KIF6: variants seen among roughly 807,000 people sequenced by gnomAD.
The protein encoded by KIF6 is kinesin family member 6, also known as kinesin-like protein KIF6.
In KIF6, 106 loss-of-function variants were observed where a neutral mutation model predicts 112.7. The observed-to-expected ratio is 0.94, with a 90% confidence interval of 0.80 to 1.11. The LOEUF (loss-of-function observed/expected upper bound fraction) is 1.11. Among genes scored for constraint, KIF6 ranks in the 50% least tolerant of loss-of-function variants. The pLI is 0.00. For missense variants in KIF6, 929 were observed against 964.0 expected, an observed-to-expected ratio of 0.96 and a Z score of 0.48; for synonymous variants, 339 against 339.9, an observed-to-expected ratio of 1.00 and a Z score of 0.03.
At chr6:39,431,233 C>T in intron 13 of KIF6, 72 bp from the exon 14 acceptor site, 1 of 903,548 alleles carries the variant, frequency 1.1e-6, no homozygotes, top group Non-Finnish European at 1.8e-6. Flanking sequence ...TCACTTCAGT[C>T]AGACCACAAA....
chr6:39,402,823 A>G (rs1215569944), intron 15 of KIF6, among the ~76,000 whole-genome samples: 2 of 152,170 alleles, frequency 1.3e-5, no homozygotes, highest in Non-Finnish European at 2.9e-5. Flanking sequence ...AGGGCCTCCA[A>G]CTTTACAGAT....
chr6:39,518,660 C>A (rs1029333055), intron 13 of KIF6, among the ~76,000 whole-genome samples: 1 of 152,186 alleles, frequency 6.6e-6, no homozygotes, highest in Non-Finnish European at 1.5e-5. Context: ...AAAATCCAGA[C>A]AGTGCTTGTA....
intron 15 of KIF6, among the ~76,000 whole-genome samples, chr6:39,399,315 C>A (rs557697525): frequency 6.6e-6 from 1 of 152,204 alleles, no homozygotes; most frequent in Non-Finnish European, 1.5e-5. Flanking sequence ...TAGGTCTGAT[C>A]TTGTCCCCAC....
chr6:39,473,174 C>T (rs1361747672), intron 13 of KIF6, among the ~76,000 whole-genome samples: 1 of 151,938 alleles, frequency 6.6e-6, no homozygotes, highest in African/African-American at 2.4e-5. Context: ...GCGTGAGCCA[C>T]AGCACCCGGT....
chr6:39,506,702 G>T (rs1776446009), intron 13 of KIF6, among the ~76,000 whole-genome samples: 1 of 152,044 alleles, frequency 6.6e-6, no homozygotes, highest in African/African-American at 2.4e-5. Context: ...TTTCCTGGGT[G>T]ACAGGTGTAT....
At chr6:39,444,830 A>AC (rs1184046352) in intron 13 of KIF6, among the ~76,000 whole-genome samples, 1 of 135,618 alleles carries the variant, frequency 7.4e-6, no homozygotes, top group African/African-American at 2.9e-5. Flanking sequence ...AGAGATGGTT[A>AC]AAAAAAAAAA....
chr6:39,489,866 A>G (rs1270251864), intron 13 of KIF6, among the ~76,000 whole-genome samples: 2 of 152,238 alleles, frequency 1.3e-5, no homozygotes, highest in East Asian at 3.8e-4. Context: ...AGGGAATGAC[A>G]GAGAGCAGAA....
chr6:39,481,066 T>C (rs1774765793), intron 13 of KIF6, among the ~76,000 whole-genome samples: 1 of 152,224 alleles, frequency 6.6e-6, no homozygotes, highest in African/African-American at 2.4e-5. Flanking sequence ...AGTTCTGCTC[T>C]GATCTTAAAC....
intron 14 of KIF6, 120 bp from the exon 15 acceptor site, chr6:39,420,123 A>T (rs1412155864): frequency 1.5e-6 from 1 of 682,940 alleles, no homozygotes; most frequent in African/African-American, 1.8e-5. Flanking sequence ...GACACAAAAG[A>T]AAAATCTAAA....
chr6:39,604,717 TATA>T (rs1782789249), intron 6 of KIF6, among the ~76,000 whole-genome samples: 1 of 152,176 alleles, frequency 6.6e-6, no homozygotes, highest in Non-Finnish European at 1.5e-5. Context: ...ATCTGGAACA[TATA>T]ATAAGAATGT....
intron 6 of KIF6, among the ~76,000 whole-genome samples, chr6:39,606,486 T>A (rs572299543): frequency 6.6e-6 from 1 of 152,324 alleles, no homozygotes; most frequent in African/African-American, 2.4e-5. Context: ...AACATGACTA[T>A]CCCTTTCCTA....
At chr6:39,413,352 T>A (rs1356374959) in intron 15 of KIF6, among the ~76,000 whole-genome samples, 2 of 152,224 alleles carry the variant, frequency 1.3e-5, no homozygotes, top group Non-Finnish European at 2.9e-5. Context: ...ACATAATTTT[T>A]GTGTGCTTAG....
At chr6:39,483,552 C>T (rs1198517125) in intron 13 of KIF6, among the ~76,000 whole-genome samples, 1 of 152,154 alleles carries the variant, frequency 6.6e-6, no homozygotes, top group Non-Finnish European at 1.5e-5. Context: ...AAAAGGCTGT[C>T]CCTCGCTCAT....
At chr6:39,607,260 C>G (rs1782944225) in intron 6 of KIF6, among the ~76,000 whole-genome samples, 1 of 152,070 alleles carries the variant, frequency 6.6e-6, no homozygotes, top group Non-Finnish European at 1.5e-5. Context: ...TTCCATACCA[C>G]TCATTTATTT....
At chr6:39,691,099 T>C (rs1156698805) in intron 3 of KIF6, 3 of 152,032 alleles carry the variant, frequency 2.0e-5, no homozygotes, top group East Asian at 1.9e-4. Context: ...TAACTGGGAG[T>C]CCTATATTTT....
rs1178001895 is a variant in KIF6 at position 39,626,732 on chromosome 6, C to T, written c.509+8117G>A. Among the ~76,000 whole-genome samples, 4 of 152,250 alleles carry T rather than the reference C, an allele frequency of 2.6e-5. No individual in the cohort carries two copies. The South Asian group carries it at 8.3e-4, about 32-fold the overall frequency. On this transcript the variant is annotated intron_variant, in intron 5 of 22. Coordinates refer to ENST00000287152, the MANE Select transcript of KIF6 (RefSeq NM_145027.6). ...CCCTACGTGGATGAGGGAAGGGATT[C>T]AGGCAAACCTCCGGCATTAGAATCA...
At chr6:39,446,264 C>T (rs1194796198) in intron 13 of KIF6, among the ~76,000 whole-genome samples, 2 of 152,118 alleles carry the variant, frequency 1.3e-5, no homozygotes, top group Admixed American at 1.3e-4. Context: ...GTGGGCAGTA[C>T]CTTGTGCATC....
chr6:39,649,721 T>TAAAGAAAGAAAG (rs78847578), intron 3 of KIF6, among the ~76,000 whole-genome samples: 10 of 59,400 alleles, frequency 1.7e-4, no homozygotes, highest in South Asian at 6.6e-4. Flanking sequence ...ACACTCTGAT[T>TAAAGAAAGAAAG]AAAGAAAGAA....
intron 13 of KIF6, among the ~76,000 whole-genome samples, chr6:39,443,153 T>G (rs1282488455): frequency 8.5e-6 from 1 of 118,006 alleles, no homozygotes; most frequent in African/African-American, 3.3e-5. Context: ...ATAATAATAA[T>G]AATAATAAAT....
Sources: gnomAD v4.1 joint callset for allele counts (sites outside exome capture counted in the v4.1 genomes callset) on GRCh38, gnomAD v4.1.1 for gene constraint, MANE v1.5 for transcripts, NCBI Gene and HGNC (gene_info 2026-07-23, HGNC 2026-07-21) for gene names.